ATP8B4: variants seen among roughly 807,000 people sequenced by gnomAD.
ATP8B4 encodes the protein ATPase phospholipid transporting 8B4 (putative).
ATP8B4 carries 133 observed loss-of-function variants against 145.6 expected under a neutral mutation model. The observed-to-expected ratio is 0.91, with a 90% CI of 0.79 to 1.05. ATP8B4 has a LOEUF of 1.05. Among genes scored for constraint, ATP8B4 ranks in the 50% least tolerant of loss-of-function variants. The pLI is 0.00. For synonymous variants in ATP8B4, 507 were observed against 492.9 expected (o/e 1.03, Z -0.38); for missense variants, 1,458 against 1,425.2 (o/e 1.02, Z -0.37).
intron 14 of ATP8B4, among the ~76,000 whole-genome samples, chr15:49,954,045 C>G (rs1219807897): frequency 6.6e-6 from 1 of 151,776 alleles, no homozygotes. Context: ...ACCTTGGTTG[C>G]CGGTGAAGGA....
At chr15:50,103,141 T>C (rs1052220170) in intron 2 of ATP8B4, among the ~76,000 whole-genome samples, 4 of 152,114 alleles carry the variant, frequency 2.6e-5, no homozygotes, top group East Asian at 1.9e-4. Context: ...AACATTATAT[T>C]GAATAGGGAA....
At chr15:49,954,140 C>T (rs1281823408) in intron 14 of ATP8B4, among the ~76,000 whole-genome samples, 1 of 152,172 alleles carries the variant, frequency 6.6e-6, no homozygotes, top group African/African-American at 2.4e-5. Flanking sequence ...CCCTGGCTTC[C>T]CTACTTTTGA....
intron 1 of ATP8B4, among the ~76,000 whole-genome samples, chr15:50,140,424 C>A (rs1238390727): frequency 6.6e-6 from 1 of 152,130 alleles, no homozygotes; most frequent in Non-Finnish European, 1.5e-5. Context: ...ATAATTATAT[C>A]CCTGTCTACC....
chr15:49,871,294 A>T (rs1354864407), intron 25 of ATP8B4, among the ~76,000 whole-genome samples: 1 of 152,174 alleles, frequency 6.6e-6, no homozygotes, highest in Admixed American at 6.5e-5. Flanking sequence ...GCTCAGTATA[A>T]GGTTTGTTCT....
chr15:49,882,490 T>C (rs2035576785), intron 23 of ATP8B4, among the ~76,000 whole-genome samples: 1 of 152,156 alleles, frequency 6.6e-6, no homozygotes. Context: ...AACCAAAACA[T>C]CCTTCAAGTG....
At position 49,879,396 on chromosome 15, in the gene ATP8B4, C is replaced by T; in HGVS notation, c.2761G>A (p.Ala921Thr). 1 of 1,612,442 alleles carries T rather than the reference C, an allele frequency of 6.2e-7. No individual in the cohort carries two copies. The highest frequency in any genetic ancestry group is 8.5e-7 in the Non-Finnish European group (1 of 1,179,102). Residue 921 changes from alanine to threonine, a missense_variant, in exon 24 of 28, where the codon GCC (alanine) becomes ACC (threonine). Transcript: ENST00000284509. ...CATACCTGGTCAAAAATCCCCATGG[C>T]TAAAACAGGCAGTGATGTGTAAACA... ...NIVYTSLPVLAMGIFDQDVSD... is the reference protein window; with the variant it reads ...NIVYTSLPVLTMGIFDQDVSD...
chr15:49,864,296 A>T (rs548807429), intron 26 of ATP8B4, among the ~76,000 whole-genome samples: 1 of 152,312 alleles, frequency 6.6e-6, no homozygotes, highest in African/African-American at 2.4e-5. Context: ...ATCAATGTGG[A>T]TTTGTAACCT....
intron 3 of ATP8B4, among the ~76,000 whole-genome samples, chr15:50,058,091 G>A (rs1465610812): frequency 6.6e-6 from 1 of 152,176 alleles, no homozygotes; most frequent in African/African-American, 2.4e-5. Context: ...AGAAAGCAAA[G>A]ATTGTATTTC....
intron 1 of ATP8B4, among the ~76,000 whole-genome samples, chr15:50,108,030 G>T (rs772481048): frequency 6.6e-6 from 1 of 152,072 alleles, no homozygotes; most frequent in Non-Finnish European, 1.5e-5. Context: ...TAGGGGCCAG[G>T]TTACTAAAAC....
At chr15:49,985,100 A>ATT (rs11314773) in intron 10 of ATP8B4, among the ~76,000 whole-genome samples, 4 of 145,876 alleles carry the variant, frequency 2.7e-5, no homozygotes, top group Admixed American at 6.8e-5. Flanking sequence ...TTCATTTTGG[A>ATT]TTTTTTTTTT....
At position 49,898,086 on chromosome 15, in the gene ATP8B4, C is replaced by G; in HGVS notation, c.2455G>C (p.Asp819His). 1 of 1,613,776 alleles carries G rather than the reference C, an allele frequency of 6.2e-7. No homozygotes were observed. Among genetic ancestry groups the G allele is most frequent in the Non-Finnish European group, 8.5e-7 (1 of 1,179,804 alleles). ...CTCTTACTTTTAATCATGCTGACAT[C>G]ATTGGCTCCATCACCAATGGCCAAA... The part of the protein sequence containing the change: ...VTLAIGDGAN[D>H]VSMIKSAHIG... Residue 819 changes from aspartate (D) to histidine (H), a missense_variant, in exon 22 of 28, where the codon GAT becomes CAT. Asp to His is a moderately conservative substitution (Grantham distance 81). Transcript: ENST00000284509.
In ATP8B4 at chr15:50,047,315, C is replaced by CA. The variant is rs768351399; in HGVS notation, c.201+35dup. 1.4e-5 allele frequency: 19 copies of CA among 1,319,060 alleles called. No individual in the cohort carries two copies. In the African/African-American group the frequency reaches 2.5e-4, roughly 17 times the overall value. The allele number at this position is 1,319,060 out of a possible 1,614,324, so 81.7% of individuals were successfully genotyped here. A position where few individuals can be genotyped will look rare whatever the true frequency, so the allele number is the denominator to read the frequency against. Reference sequence around the variant, plus strand: ...TTTACAATTTTATGAATACTTTAAACAAACAGATAATAGAGAAATACAACC... The same window carrying CA: ...TTTACAATTTTATGAATACTTTAAACAAAACAGATAATAGAGAAATACAACC... On this transcript the variant is annotated intron_variant, in intron 4 of 27. Transcript: ENST00000284509.
intron 19 of ATP8B4, among the ~76,000 whole-genome samples, chr15:49,918,361 G>T (rs12905263): frequency 0.047 from 7,109 of 152,188 alleles, 196 homozygotes; most frequent in South Asian, 0.089. Flanking sequence ...TTCTATAAAT[G>T]GTTGATAAAC....
chr15:50,087,285 ATATAT>A lies in ATP8B4; in HGVS notation c.29-13105_29-13101del, dbSNP rs2055252129. 1.7e-4 allele frequency among the ~76,000 whole-genome samples: 22 copies of A among 129,926 alleles called. No homozygotes were observed. In the South Asian group the frequency reaches 4.9e-3, roughly 29 times the overall value. 85.2% of individuals were successfully genotyped at this position (129,926 alleles called of 152,430 possible). A position where few individuals can be genotyped will look rare whatever the true frequency, so the allele number is the denominator to read the frequency against. Reference sequence around the variant, plus strand: ...TATATGTATTATATATAATAGAATAATATATAGATCTATATCTATTATATATAATA... The same window carrying A: ...TATATGTATTATATATAATAGAATAAAGATCTATATCTATTATATATAATA... On this transcript the variant is annotated intron_variant, in intron 2 of 27. Coordinates refer to ENST00000284509, the MANE Select transcript of ATP8B4 (RefSeq NM_024837.4).
At chr15:49,861,476 ACC>A (rs1566884795) in intron 27 of ATP8B4, among the ~76,000 whole-genome samples, 44 of 138,992 alleles carry the variant, frequency 3.2e-4, no homozygotes, top group African/African-American at 7.3e-4. Context: ...CTATCTATCT[ACC>A]TACCTACCTA....
chr15:50,138,077 T>C (rs1358092862), intron 1 of ATP8B4, among the ~76,000 whole-genome samples: 1 of 152,142 alleles, frequency 6.6e-6, no homozygotes, highest in African/African-American at 2.4e-5. Context: ...CAGCAATCTG[T>C]AAACCACATT....
intron 14 of ATP8B4, among the ~76,000 whole-genome samples, chr15:49,953,904 C>A (rs2043320931): frequency 6.6e-6 from 1 of 152,190 alleles, no homozygotes; most frequent in Non-Finnish European, 1.5e-5. Flanking sequence ...TCACTCACTG[C>A]CTCCCTTGGC....
intron 1 of ATP8B4, among the ~76,000 whole-genome samples, chr15:50,161,696 A>T (rs2044521289): frequency 6.6e-6 from 1 of 151,618 alleles, no homozygotes; most frequent in African/African-American, 2.4e-5. Flanking sequence ...TGTTTTTTCT[A>T]TTTATATCTT....
chr15:50,008,451 G>T (rs1365991899), intron 7 of ATP8B4, among the ~76,000 whole-genome samples: 1 of 152,146 alleles, frequency 6.6e-6, no homozygotes, highest in Admixed American at 6.5e-5. Context: ...CCACATCCGT[G>T]TGTCTAATAC....
Sources: allele counts gnomAD v4.1 joint callset (sites outside exome capture counted in the v4.1 genomes callset), GRCh38; gene constraint gnomAD v4.1.1; transcripts MANE v1.5; gene names NCBI Gene and HGNC (gene_info 2026-07-23, HGNC 2026-07-21).